The following NFIA variants were observed in gnomAD, a reference collection of about 807,000 sequenced individuals.
NFIA encodes nuclear factor 1 A-type.
A neutral mutation model predicts 62.8 loss-of-function variants in NFIA; 8 were observed. The observed-to-expected ratio is 0.13, with a 90% CI of 0.07 to 0.23. The LOEUF (loss-of-function observed/expected upper bound fraction) is 0.23. Among genes scored for constraint, NFIA ranks in the 10% least tolerant of loss-of-function variants. NFIA has a pLI of 1.00. For synonymous variants in NFIA, 235 were observed against 238.1 expected, an observed-to-expected ratio of 0.99 and a Z score of 0.12; for missense variants, 410 against 642.1, an observed-to-expected ratio of 0.64 and a Z score of 3.91.
chr1:61,155,140 T>A (rs1648698253), intron 2 of NFIA, among the ~76,000 whole-genome samples: 1 of 152,198 alleles, frequency 6.6e-6, no homozygotes, highest in South Asian at 2.1e-4. Context: ...TATCATCATA[T>A]TGGTTATAGA....
intron 10 of NFIA, among the ~76,000 whole-genome samples, chr1:61,429,077 G>A (rs1208097501): frequency 6.6e-6 from 1 of 152,124 alleles, no homozygotes; most frequent in Non-Finnish European, 1.5e-5. Context: ...GCATCATCCT[G>A]TAGAAGATGG....
intron 2 of NFIA, among the ~76,000 whole-genome samples, chr1:61,228,838 C>G (rs1654492711): frequency 6.6e-6 from 1 of 152,076 alleles, no homozygotes; most frequent in Non-Finnish European, 1.5e-5. Flanking sequence ...TGTCTTTGCT[C>G]TCTAATGTTT....
intron 2 of NFIA, among the ~76,000 whole-genome samples, chr1:61,184,162 A>G (rs571694209): frequency 2.6e-5 from 4 of 151,530 alleles, no homozygotes; most frequent in Non-Finnish European, 5.9e-5. Flanking sequence ...ACAAAACAAA[A>G]CAAAAAACAA....
At chr1:61,308,814 T>G (rs1292361490) in intron 3 of NFIA, among the ~76,000 whole-genome samples, 5 of 152,218 alleles carry the variant, frequency 3.3e-5, no homozygotes, top group Non-Finnish European at 5.9e-5. Context: ...TTCCTGCTGT[T>G]GTTATTGCTG....
At chr1:61,323,870 G>C (rs1187243960) in intron 3 of NFIA, among the ~76,000 whole-genome samples, 1 of 152,134 alleles carries the variant, frequency 6.6e-6, no homozygotes, top group African/African-American at 2.4e-5. Context: ...GGGCCCTGTG[G>C]ACAATGTGAG....
chr1:61,417,632 A>G (rs1194570529), intron 9 of NFIA, among the ~76,000 whole-genome samples: 1 of 152,178 alleles, frequency 6.6e-6, no homozygotes, highest in Non-Finnish European at 1.5e-5. Context: ...CAAATTGTGT[A>G]CGAGTATGAT....
At chr1:61,213,867 C>T (rs10157847) in intron 2 of NFIA, among the ~76,000 whole-genome samples, 1,923 of 152,304 alleles carry the variant, frequency 0.013, 36 homozygotes, top group African/African-American at 0.044. Flanking sequence ...CCGACCTCAC[C>T]CACCAGTCAG....
chr1:61,375,316 C>G (rs1014616014), intron 6 of NFIA, among the ~76,000 whole-genome samples: 1 of 151,982 alleles, frequency 6.6e-6, no homozygotes, highest in African/African-American at 2.4e-5. Flanking sequence ...ATGTGGACAC[C>G]ATTAGTCTGA....
At chr1:61,215,464 T>TAA (rs35639143) in intron 2 of NFIA, among the ~76,000 whole-genome samples, 4 of 147,098 alleles carry the variant, frequency 2.7e-5, no homozygotes, top group South Asian at 2.1e-4. Context: ...TAGAACTAGT[T>TAA]AAAAAAAAAA....
intron 7 of NFIA, among the ~76,000 whole-genome samples, chr1:61,399,326 T>C (rs899776083): frequency 6.6e-6 from 1 of 152,196 alleles, no homozygotes; most frequent in African/African-American, 2.4e-5. Context: ...AAGAGCACAC[T>C]GTGCCTGAAG....
At position 61,277,370 on chromosome 1, in the gene NFIA, T is replaced by C. The variant is rs922510827; in HGVS notation, c.560-150T>C. 3 of 714,216 alleles carry C rather than the reference T, an allele frequency of 4.2e-6. No homozygotes were observed. The Admixed American group carries it at 8.1e-5, about 19-fold the overall frequency. The allele number at this position is 714,216 out of a possible 1,614,324, so 44.2% of individuals were successfully genotyped here. A position where few individuals can be genotyped will look rare whatever the true frequency, so the allele number is the denominator to read the frequency against. On this transcript the variant is annotated intron_variant, in intron 2 of 10. Coordinates refer to ENST00000403491, the MANE Select transcript of NFIA (RefSeq NM_001134673.4). The stretch of plus-strand genomic sequence containing the variant: ...CATTTCCCTCTCTTTCTTTTCTCTT[T>C]CCATCTTTTCTTTTTTTCATGTCTC...
At chr1:61,163,713 A>G (rs1649375883) in intron 2 of NFIA, among the ~76,000 whole-genome samples, 2 of 152,242 alleles carry the variant, frequency 1.3e-5, no homozygotes, top group Non-Finnish European at 2.9e-5. Context: ...CATTCTAACT[A>G]GCAAAACAGA....
chr1:61,242,244 C>A (rs1369591740), intron 2 of NFIA, among the ~76,000 whole-genome samples: 2 of 152,120 alleles, frequency 1.3e-5, no homozygotes, highest in African/African-American at 2.4e-5. Context: ...CAATAGGGAT[C>A]TCCAGGCTAC....
intron 2 of NFIA, among the ~76,000 whole-genome samples, chr1:61,146,197 A>G (rs926490131): frequency 2.6e-5 from 4 of 152,138 alleles, no homozygotes; most frequent in Non-Finnish European, 5.9e-5. Flanking sequence ...CTCCCACTTA[A>G]GGAGCCTTCC....
chr1:61,122,524 A>G (rs984726574), intron 2 of NFIA, among the ~76,000 whole-genome samples: 5 of 152,210 alleles, frequency 3.3e-5, no homozygotes, highest in African/African-American at 1.2e-4. Context: ...TGGTGGTAGC[A>G]CTACAGATTG....
chr1:61,126,552 C>T (rs1401135476), intron 2 of NFIA, among the ~76,000 whole-genome samples: 1 of 151,556 alleles, frequency 6.6e-6, no homozygotes, highest in Non-Finnish European at 1.5e-5. Context: ...GAGGTATAGC[C>T]TTAAAGAATA....
intron 2 of NFIA, among the ~76,000 whole-genome samples, chr1:61,210,141 C>T (rs1404252430): frequency 6.6e-6 from 1 of 152,102 alleles, no homozygotes; most frequent in Non-Finnish European, 1.5e-5. Context: ...GACAGAATCA[C>T]GGGGAAGGGT....
intron 2 of NFIA, among the ~76,000 whole-genome samples, chr1:61,257,671 T>G (rs887358315): frequency 6.6e-6 from 1 of 151,900 alleles, no homozygotes; most frequent in Non-Finnish European, 1.5e-5. Flanking sequence ...TTTTCCCCTC[T>G]CATGTTATTT....
chr1:61,277,711 G>A (rs987449188), intron 3 of NFIA, 126 bp downstream of exon 3: 11 of 866,700 alleles, frequency 1.3e-5, no homozygotes, highest in African/African-American at 3.4e-5. Context: ...CCAAAGACTC[G>A]GAAAAACTCA....
Sources: allele counts gnomAD v4.1 joint callset (sites outside exome capture counted in the v4.1 genomes callset), GRCh38; gene constraint gnomAD v4.1.1; transcripts MANE v1.5; gene names NCBI Gene and HGNC (gene_info 2026-07-23, HGNC 2026-07-21).